The following CRPPA variants were observed in gnomAD, a reference collection of about 807,000 sequenced individuals.
The protein encoded by CRPPA is CDP-L-ribitol pyrophosphorylase A.
In CRPPA, 43 loss-of-function variants were observed where a neutral mutation model predicts 52.0. The observed-to-expected ratio is 0.83, with a 90% CI of 0.65 to 1.07. The LOEUF is 1.07. CRPPA is among the 50% of genes least tolerant of loss of function. The probability of loss-of-function intolerance (pLI) is 0.00; values close to 1 mark genes in which losing one functional copy is unlikely to be tolerated. For missense variants in CRPPA, 629 were observed against 551.7 expected (o/e 1.14, Z -1.40); for synonymous variants, 250 against 203.5 (o/e 1.23, Z -1.94).
At chr7:16,260,059 A>C (rs1783754731) in intron 6 of CRPPA, among the ~76,000 whole-genome samples, 1 of 152,138 alleles carries the variant, frequency 6.6e-6, no homozygotes, top group East Asian at 1.9e-4. Flanking sequence ...GTCATCAACA[A>C]TATATTAACA....
intron 9 of CRPPA, among the ~76,000 whole-genome samples, chr7:16,119,935 G>A (rs534953856): frequency 6.6e-6 from 1 of 152,274 alleles, no homozygotes; most frequent in East Asian, 1.9e-4. Context: ...TTAGAAGTGT[G>A]CAAGAATTCC....
chr7:16,146,827 G>A (rs1782983639), intron 9 of CRPPA, among the ~76,000 whole-genome samples: 1 of 152,126 alleles, frequency 6.6e-6, no homozygotes, highest in African/African-American at 2.4e-5. Flanking sequence ...GATCACAAAG[G>A]AAGACAAGTC....
intron 9 of CRPPA, among the ~76,000 whole-genome samples, chr7:16,098,470 T>C (rs1441308452): frequency 6.6e-6 from 1 of 152,198 alleles, no homozygotes; most frequent in Non-Finnish European, 1.5e-5. Flanking sequence ...TTGCTCATAG[T>C]TTGATATTAA....
Position 16,371,949 on chromosome 7 carries a change from G to A in CRPPA, c.684+4143C>T, listed in dbSNP as rs749107408. On this transcript the variant is annotated intron_variant, in intron 3 of 9. Transcript: ENST00000407010. ...AAGTTTCAACAACAGACTAGAAGAC[G>A]CAGAAGAAAGAATTTCAGAGCTTGA... Among the ~76,000 whole-genome samples, 10 of 151,992 alleles carry A rather than the reference G, an allele frequency of 6.6e-5. 1 individual carries two copies. Among genetic ancestry groups the A allele is most frequent in the South Asian group, 4.2e-4 (2 of 4,816 alleles).
intron 2 of CRPPA, among the ~76,000 whole-genome samples, chr7:16,387,192 T>C (rs975736767): frequency 7.2e-4 from 109 of 150,358 alleles, no homozygotes; most frequent in African/African-American, 1.9e-3. Flanking sequence ...ACAAAAGTAA[T>C]TGCAGTTTTT....
At chr7:16,331,305 G>A (rs374239388) in intron 3 of CRPPA, among the ~76,000 whole-genome samples, 129 of 152,194 alleles carry the variant, frequency 8.5e-4, no homozygotes, top group African/African-American at 2.7e-3. Flanking sequence ...GGCCAGAAAC[G>A]TGTTTTACAA....
At chr7:16,193,810 C>A (rs771199918) in intron 9 of CRPPA, among the ~76,000 whole-genome samples, 39 of 152,080 alleles carry the variant, frequency 2.6e-4, no homozygotes, top group Non-Finnish European at 2.9e-5. Flanking sequence ...CTCCTCCGTG[C>A]GCTTATCCCC....
intron 9 of CRPPA, among the ~76,000 whole-genome samples, chr7:16,194,714 C>T (rs1429436674): frequency 6.6e-6 from 1 of 151,944 alleles, no homozygotes; most frequent in Non-Finnish European, 1.5e-5. Flanking sequence ...AATTAAGGGT[C>T]AAGATGGAAG....
At position 16,389,923 on chromosome 7, in the gene CRPPA, AAAAAAATAT is replaced by A. The variant is rs1347607743; in HGVS notation, c.535-13691_535-13683del. ...AACAAGCCTAGTATACAAAAAAAAAAAAAAAATATATATATATATATATATATATATATA... is the reference window on the plus strand; with the variant it reads ...AACAAGCCTAGTATACAAAAAAAAAAATATATATATATATATATATATATA... On this transcript the variant is annotated intron_variant, in intron 2 of 9. Transcript: ENST00000407010. Among the ~76,000 whole-genome samples, 51 of 81,072 alleles carry A rather than the reference AAAAAAATAT, an allele frequency of 6.3e-4. 1 individual carries two copies. Among genetic ancestry groups the A allele is most frequent in the Middle Eastern group, 5.2e-3 (1 of 192 alleles). The allele number at this position is 81,072 out of a possible 152,430, so 53.2% of individuals were successfully genotyped here.
Position 16,211,786 on chromosome 7 carries a change from T to C in CRPPA, c.1251+4280A>G, listed in dbSNP as rs559973487. On this transcript the variant is annotated intron_variant, in intron 9 of 9. Transcript: ENST00000407010. ...AAAACTGTTCCTATATCATTATCAG[T>C]TGACCTAAGGTAATTACAAGGAGTT... 2.0e-5 allele frequency among the ~76,000 whole-genome samples: 3 copies of C among 152,300 alleles called. No individual in the cohort carries two copies. The East Asian group carries it at 5.8e-4, about 29-fold the overall frequency.
chr7:16,421,396 G>T lies in CRPPA; in HGVS notation c.-74C>A. 1 of 1,205,576 alleles carries T rather than the reference G, an allele frequency of 8.3e-7. No homozygotes were observed. The highest frequency in any genetic ancestry group is 1.6e-5 in the African/African-American group (1 of 63,500). The allele number at this position is 1,205,576 out of a possible 1,614,324, so 74.7% of individuals were successfully genotyped here. On this transcript the variant is annotated 5_prime_UTR_variant, in exon 1 of 10. Transcript: ENST00000407010. ...CCGCGCTGCTCCCACCCTCGGCCGG[G>T]GTCGCGGGGCGAAGGGCAGACCACG...
At chr7:16,292,749 C>G (rs1784589453) in intron 5 of CRPPA, among the ~76,000 whole-genome samples, 1 of 151,890 alleles carries the variant, frequency 6.6e-6, no homozygotes, top group Admixed American at 6.6e-5. Context: ...CATAAATGTT[C>G]AATTCCAGTG....
In CRPPA at chr7:16,421,122, TTGCTTCGGGG is replaced by T; in HGVS notation, c.191_200del (p.Thr64AsnfsTer24). 1 of 1,320,606 alleles carries T rather than the reference TTGCTTCGGGG, an allele frequency of 7.6e-7. No individual in the cohort carries two copies. Among genetic ancestry groups the T allele is most frequent in the Non-Finnish European group, 9.7e-7 (1 of 1,028,396 alleles). 81.8% of individuals were successfully genotyped at this position (1,320,606 alleles called of 1,614,324 possible). On this transcript the variant is annotated frameshift_variant, in exon 1 of 10. Transcript: ENST00000407010. LOFTEE classifies it high-confidence loss of function. ...GCGGCCTCTCCAGGATGGGGCAGAA[TTGCTTCGGGG>T]TGGGGACCCCCATCCTCTCCCCGCA...
chr7:16,265,176 G>A (rs1342010077), intron 6 of CRPPA, among the ~76,000 whole-genome samples: 1 of 152,120 alleles, frequency 6.6e-6, no homozygotes, highest in African/African-American at 2.4e-5. Flanking sequence ...AACCATGAAT[G>A]GTAAGCTGGT....
chr7:16,400,513 C>T (rs982501115), intron 2 of CRPPA, among the ~76,000 whole-genome samples: 11 of 152,222 alleles, frequency 7.2e-5, no homozygotes, highest in Admixed American at 3.9e-4. Flanking sequence ...CCGAACGACA[C>T]GACTGGCACA....
intron 6 of CRPPA, among the ~76,000 whole-genome samples, chr7:16,268,547 G>A (rs1275205254): frequency 5.3e-5 from 8 of 152,032 alleles, no homozygotes; most frequent in Admixed American, 4.6e-4. Flanking sequence ...CTTATGAGGA[G>A]CCTGTTGAAT....
chr7:16,399,722 C>T (rs1237686770), intron 2 of CRPPA, among the ~76,000 whole-genome samples: 3 of 151,566 alleles, frequency 2.0e-5, no homozygotes, highest in Admixed American at 2.0e-4. Context: ...ACTGACATGA[C>T]TGACATATGA....
intron 3 of CRPPA, among the ~76,000 whole-genome samples, chr7:16,309,243 A>G (rs1458977202): frequency 1.3e-5 from 2 of 152,228 alleles, no homozygotes; most frequent in African/African-American, 4.8e-5. Flanking sequence ...TAACCAAGTA[A>G]TAATACAATT....
chr7:16,130,064 C>G (rs1228376277), intron 9 of CRPPA, among the ~76,000 whole-genome samples: 1 of 152,116 alleles, frequency 6.6e-6, no homozygotes, highest in East Asian at 1.9e-4. Context: ...CATAGCATGC[C>G]TATCACACCC....
Sources: allele counts gnomAD v4.1 joint callset (sites outside exome capture counted in the v4.1 genomes callset), GRCh38; gene constraint gnomAD v4.1.1; transcripts MANE v1.5; gene names NCBI Gene and HGNC (gene_info 2026-07-23, HGNC 2026-07-21).